CTPS2: variants seen among roughly 807,000 people sequenced by gnomAD.
CTPS2 encodes the protein CTP synthase 2.
A neutral mutation model predicts 46.8 loss-of-function variants in CTPS2; 19 were observed. The ratio of observed to expected loss-of-function variants is 0.41; its 90% CI spans 0.28 to 0.60. CTPS2 has a LOEUF of 0.60. Among genes scored for constraint, CTPS2 ranks in the 20% least tolerant of loss-of-function variants. The pLI is 0.35. For synonymous variants in CTPS2, 151 were observed against 165.2 expected, an observed-to-expected ratio of 0.91 and a Z score of 0.66; for missense variants, 286 against 447.6, an observed-to-expected ratio of 0.64 and a Z score of 3.26.
intron 14 of CTPS2, among the ~76,000 whole-genome samples, chrX:16,638,280 T>C (rs1224402555): frequency 2.7e-5 from 3 of 109,833 alleles, no homozygotes; most frequent in South Asian, 7.8e-4. Context: ...AAAGAATTCT[T>C]ATAACTTCAC....
chrX:16,671,794 C>T (rs753170476), intron 10 of CTPS2, among the ~76,000 whole-genome samples: 1 of 111,239 alleles, frequency 9.0e-6, no homozygotes, highest in South Asian at 3.8e-4. Context: ...GGATTACAGG[C>T]GTGAGCCACC....
rs1367449091 is a variant in CTPS2, at chrX:16,588,074, G to A, written c.*1743C>T. On this transcript the variant is annotated 3_prime_UTR_variant, in exon 19 of 19. Coordinates refer to ENST00000359276, the MANE Select transcript of CTPS2 (RefSeq NM_175859.3). The stretch of plus-strand genomic sequence containing the variant: ...AATTCTGACACATGCTACAACATGG[G>A]TAAACCTTGCAAACGCCATGCTAAA... The A allele has an allele frequency of 1.8e-5, 2 of 112,191 alleles. No individual in the cohort carries two copies. The highest frequency in any genetic ancestry group is 3.7e-4 in the South Asian group (1 of 2,693). 9.2% of individuals were successfully genotyped at this position (112,191 alleles called of 1,213,427 possible). A position where few individuals can be genotyped will look rare whatever the true frequency, so the allele number is the denominator to read the frequency against.
intron 13 of CTPS2, chrX:16,651,282 C>G (rs1932617000): frequency 1.9e-6 from 1 of 540,228 alleles, no homozygotes. Flanking sequence ...CCCCTTAAGT[C>G]AGGCCACATT....
intron 9 of CTPS2, among the ~76,000 whole-genome samples, chrX:16,682,675 T>C (rs1043507611): frequency 9.0e-6 from 1 of 111,669 alleles, no homozygotes; most frequent in Non-Finnish European, 1.9e-5. Flanking sequence ...TTCTGCTGCA[T>C]GCTTTCCTTC....
At chrX:16,621,924 T>C (rs1447595082) in intron 14 of CTPS2, among the ~76,000 whole-genome samples, 3 of 111,157 alleles carry the variant, frequency 2.7e-5, no homozygotes, top group African/African-American at 9.8e-5. Context: ...ATATGAATGA[T>C]AGTGAATATT....
intron 2 of CTPS2, among the ~76,000 whole-genome samples, chrX:16,701,374 T>G (rs1924540187): frequency 9.2e-6 from 1 of 109,116 alleles, no homozygotes; most frequent in Admixed American, 9.8e-5. Context: ...CTAAGTAACA[T>G]GGCGAAATCC....
intron 2 of CTPS2, among the ~76,000 whole-genome samples, chrX:16,702,344 G>A (rs1924653657): frequency 8.9e-6 from 1 of 112,283 alleles, no homozygotes; most frequent in African/African-American, 3.2e-5. Flanking sequence ...ATGAGCCACC[G>A]CACTGGGCCT....
rs1555967619 is a variant in CTPS2, at chrX:16,662,012, A to ATATATATATATATATATATG, written c.1296+5501_1296+5502insCATATATATATATATATATA. Among the ~76,000 whole-genome samples, 439 of 105,414 alleles carry ATATATATATATATATATATG rather than the reference A, an allele frequency of 4.2e-3. 7 individuals are homozygous for ATATATATATATATATATATG. The highest frequency in any genetic ancestry group is 0.014 in the African/African-American group (410 of 28,515). The allele number at this position is 105,414 out of a possible 115,157, so 91.5% of individuals were successfully genotyped here. On this transcript the variant is annotated intron_variant, in intron 13 of 18. Transcript: ENST00000359276. ...TTCATTCATATATATATATATATAT[A>ATATATATATATATATATATG]TGCCTCAAAAGCTGAAAATATTCAA... is the stretch of plus-strand genomic sequence containing the variant.
chrX:16,630,272 T>G (rs1419531382), intron 14 of CTPS2, among the ~76,000 whole-genome samples: 2 of 92,556 alleles, frequency 2.2e-5, no homozygotes, highest in East Asian at 6.2e-4. Flanking sequence ...TTTTTTTTTT[T>G]GACACAGAGT....
At chrX:16,674,794 C>T (rs1479562179) in intron 10 of CTPS2, among the ~76,000 whole-genome samples, 4 of 105,309 alleles carry the variant, frequency 3.8e-5, no homozygotes, top group South Asian at 4.4e-4. Flanking sequence ...GCAGAGATTG[C>T]GCCACTGCAC....
chrX:16,625,879 G>A (rs1029075893), intron 14 of CTPS2, among the ~76,000 whole-genome samples: 3 of 110,959 alleles, frequency 2.7e-5, no homozygotes, highest in Admixed American at 1.9e-4. Flanking sequence ...TGCTCATGGA[G>A]CCTGGGGTTT....
intron 14 of CTPS2, among the ~76,000 whole-genome samples, chrX:16,635,924 A>T (rs1931721690): frequency 8.9e-6 from 1 of 112,074 alleles, no homozygotes; most frequent in African/African-American, 3.2e-5. Flanking sequence ...GGACTTTTTA[A>T]AAAATTAAGG....
At chrX:16,618,888 T>C (rs1930671266) in intron 15 of CTPS2, among the ~76,000 whole-genome samples, 1 of 112,110 alleles carries the variant, frequency 8.9e-6, no homozygotes, top group Admixed American at 9.5e-5. Flanking sequence ...TTTTGTCCTC[T>C]CCATTAGAAT....
intron 8 of CTPS2, among the ~76,000 whole-genome samples, chrX:16,688,539 G>A (rs1207646297): frequency 9.2e-6 from 1 of 109,279 alleles, no homozygotes; most frequent in East Asian, 2.9e-4. Context: ...CCAAGTAGCT[G>A]AGACTACAGG....
At chrX:16,652,023 G>C (rs1399122214) in intron 13 of CTPS2, among the ~76,000 whole-genome samples, 2 of 109,645 alleles carry the variant, frequency 1.8e-5, no homozygotes, top group African/African-American at 6.7e-5. Context: ...CAGGATGGGG[G>C]GGGCCAGTGG....
intron 7 of CTPS2, among the ~76,000 whole-genome samples, chrX:16,690,791 C>T (rs1178309895): frequency 8.9e-6 from 1 of 112,081 alleles, no homozygotes; most frequent in Non-Finnish European, 1.9e-5. Context: ...AGAACCTAAG[C>T]CCAAATCACA....
intron 14 of CTPS2, among the ~76,000 whole-genome samples, chrX:16,625,566 G>A (rs1054807559): frequency 8.9e-6 from 1 of 112,009 alleles, no homozygotes; most frequent in Non-Finnish European, 1.9e-5. Context: ...TAGCTCTGCC[G>A]TCCATAGATG....
At chrX:16,669,959 C>G (rs1158193080) in intron 11 of CTPS2, among the ~76,000 whole-genome samples, 2 of 110,562 alleles carry the variant, frequency 1.8e-5, no homozygotes, top group Admixed American at 1.9e-4. Context: ...CACGGGGGCT[C>G]AAGCCTGTAA....
chrX:16,695,859 A>T (rs1055999167), intron 4 of CTPS2, among the ~76,000 whole-genome samples: 2 of 109,087 alleles, frequency 1.8e-5, no homozygotes, highest in African/African-American at 6.7e-5. Context: ...CCCTTTTTAA[A>T]TTTTTTTTAA....
Sources: gnomAD v4.1 joint callset for allele counts (sites outside exome capture counted in the v4.1 genomes callset) on GRCh38, gnomAD v4.1.1 for gene constraint, MANE v1.5 for transcripts, NCBI Gene and HGNC (gene_info 2026-07-23, HGNC 2026-07-21) for gene names.